Variants in ATXN1 observed in about 807,000 individuals in gnomAD.
The protein encoded by ATXN1 is ataxin-1.
In ATXN1, 8 loss-of-function variants were observed where a neutral mutation model predicts 56.4. The observed-to-expected ratio is 0.14, with a 90% CI of 0.08 to 0.26. The LOEUF (loss-of-function observed/expected upper bound fraction) is 0.26. Among genes scored for constraint, ATXN1 ranks in the 10% least tolerant of loss-of-function variants. The probability of loss-of-function intolerance (pLI) is 1.00; values close to 1 mark genes in which losing one functional copy is unlikely to be tolerated. For synonymous variants in ATXN1, 514 were observed against 494.6 expected (o/e 1.04, Z -0.52); for missense variants, 987 against 1,106.5 (o/e 0.89, Z 1.53).
chr6:16,457,808 C>A (rs577043525), intron 6 of ATXN1, among the ~76,000 whole-genome samples: 2 of 152,314 alleles, frequency 1.3e-5, no homozygotes, highest in South Asian at 4.1e-4. Context: ...CCTCTAATCT[C>A]CTCCATCCAG....
intron 6 of ATXN1, among the ~76,000 whole-genome samples, chr6:16,359,659 A>C (rs1761766911): frequency 6.6e-6 from 1 of 151,958 alleles, no homozygotes; most frequent in African/African-American, 2.4e-5. Context: ...TATAGAGAGG[A>C]GCTCCCCACT....
rs570822413 is a variant in ATXN1, at chr6:16,359,132, G to C, written c.-160-30662C>G. On this transcript the variant is annotated intron_variant, in intron 6 of 7. Coordinates refer to ENST00000436367, the MANE Select transcript of ATXN1 (RefSeq NM_001128164.2). ...GCACCCACTCAGATCTCAGAGCTGG[G>C]TTGGGGCCAAGCCCCGGGGCCATGA... Among the ~76,000 whole-genome samples, 125 of 152,326 alleles carry C rather than the reference G, an allele frequency of 8.2e-4. 1 individual carries two copies. The highest frequency in any genetic ancestry group is 3.4e-3 in the Middle Eastern group (1 of 294).
intron 2 of ATXN1, among the ~76,000 whole-genome samples, chr6:16,743,539 G>T (rs114337946): frequency 3.3e-5 from 5 of 152,202 alleles, no homozygotes; most frequent in African/African-American, 1.2e-4. Flanking sequence ...ATCACAGGGG[G>T]AATGCCCGTA....
intron 2 of ATXN1, among the ~76,000 whole-genome samples, chr6:16,713,256 G>A (rs762785372): frequency 1.3e-5 from 2 of 152,142 alleles, no homozygotes; most frequent in Non-Finnish European, 2.9e-5. Flanking sequence ...ATACAATTGC[G>A]GTAATCAGCA....
At chr6:16,609,928 C>T (rs999101079) in intron 3 of ATXN1, among the ~76,000 whole-genome samples, 1 of 151,880 alleles carries the variant, frequency 6.6e-6, no homozygotes, top group Non-Finnish European at 1.5e-5. Context: ...GAAACACCAA[C>T]TTACAAAAAA....
chr6:16,306,625 C>T lies in ATXN1; in HGVS notation c.2152G>A (p.Gly718Ser), dbSNP rs1406913628. The stretch of plus-strand genomic sequence containing the variant: ...TGCTCGGCATACCTGTGTCTGCTGC[C>T]CGCCAGGCCGTCGGCCTTTGAGTGC... ...LKHSKADGLA[G>S]SRHRYAEQEN... is the part of the protein sequence containing the mutation. The change falls in exon 8 of 8, where the codon GGC becomes AGC. Residue 718 changes from glycine (G) to serine (S), a missense_variant. Gly to Ser is a moderately conservative substitution (Grantham distance 56, BLOSUM62 0). Transcript: ENST00000436367. This position sits in a 1 kb window ranked among gnomAD's most constrained non-coding sequence, Gnocchi z 5.2. 9 of 1,614,128 alleles carry T rather than the reference C, an allele frequency of 5.6e-6. No homozygotes were observed. Among genetic ancestry groups the T allele is most frequent in the East Asian group, 2.2e-5 (1 of 44,902 alleles).
chr6:16,581,195 C>CTG (rs60028007), intron 4 of ATXN1, among the ~76,000 whole-genome samples: 10,565 of 139,996 alleles, frequency 0.075, 431 homozygotes, highest in Non-Finnish European at 0.097. Context: ...CGAGAATGCA[C>CTG]TGTGTGTGTG....
chr6:16,759,926 G>A (rs1581431785), intron 1 of ATXN1, among the ~76,000 whole-genome samples: 1 of 152,178 alleles, frequency 6.6e-6, no homozygotes, highest in Non-Finnish European at 1.5e-5. Context: ...AGTCAGCCAA[G>A]TAGCCAAGGA....
At chr6:16,593,988 G>A (rs1314875218) in intron 3 of ATXN1, among the ~76,000 whole-genome samples, 1 of 147,128 alleles carries the variant, frequency 6.8e-6, no homozygotes, top group Non-Finnish European at 1.5e-5. Context: ...TTATATATTA[G>A]ACTAATATAT....
chr6:16,540,119 G>A (rs1761683858), intron 4 of ATXN1, among the ~76,000 whole-genome samples: 1 of 152,328 alleles, frequency 6.6e-6, no homozygotes, highest in African/African-American at 2.4e-5. Context: ...GGACTGCAAT[G>A]CTGAGAATCA....
At position 16,302,817 on chromosome 6, in the gene ATXN1, G is replaced by T. The variant is rs45496399; in HGVS notation, c.*3512C>A. The T allele has an allele frequency of 5.7e-3, 870 of 152,786 alleles. 2 individuals are homozygous for T. Among genetic ancestry groups the T allele is most frequent in the Non-Finnish European group, 9.3e-3 (630 of 68,042 alleles). 9.5% of individuals were successfully genotyped at this position (152,786 alleles called of 1,614,324 possible). On this transcript the variant is annotated 3_prime_UTR_variant, in exon 8 of 8. Coordinates refer to ENST00000436367, the MANE Select transcript of ATXN1 (RefSeq NM_001128164.2). The stretch of plus-strand genomic sequence containing the variant: ...CGGTAAATATTGCAAAGTGGACATA[G>T]TACAGAGGCACATGGCTGATCCTTG...
intron 6 of ATXN1, among the ~76,000 whole-genome samples, chr6:16,355,237 G>T (rs181854773): frequency 1.4e-3 from 217 of 152,282 alleles, no homozygotes; most frequent in Admixed American, 7.3e-3. Context: ...CACAGATGCC[G>T]CTGTACTTTT....
intron 6 of ATXN1, among the ~76,000 whole-genome samples, chr6:16,438,293 T>A (rs928730611): frequency 4.6e-5 from 7 of 152,248 alleles, no homozygotes; most frequent in African/African-American, 1.7e-4. Flanking sequence ...TTATAGGACC[T>A]GACACCCAAT....
chr6:16,630,180 C>A (rs1763480974), intron 3 of ATXN1, among the ~76,000 whole-genome samples: 3 of 152,158 alleles, frequency 2.0e-5, no homozygotes, highest in African/African-American at 7.2e-5. Flanking sequence ...CCCTTGGGTG[C>A]CCTCTTACAC....
At chr6:16,338,865 G>A (rs1172466315) in intron 6 of ATXN1, among the ~76,000 whole-genome samples, 2 of 152,120 alleles carry the variant, frequency 1.3e-5, no homozygotes, top group Non-Finnish European at 2.9e-5. Context: ...CACTTGATAG[G>A]TGGGATAATA....
chr6:16,484,298 G>C (rs1002327128), intron 6 of ATXN1, among the ~76,000 whole-genome samples: 5 of 152,150 alleles, frequency 3.3e-5, no homozygotes, highest in Admixed American at 1.3e-4. Context: ...GCCAGGCATG[G>C]TGGTGTGCAC....
chr6:16,554,827 G>A (rs1328121003), intron 4 of ATXN1, among the ~76,000 whole-genome samples: 1 of 152,142 alleles, frequency 6.6e-6, no homozygotes, highest in African/African-American at 2.4e-5. Context: ...CTGACCTCAG[G>A]TGATGCACCC....
intron 7 of ATXN1, among the ~76,000 whole-genome samples, chr6:16,325,782 G>A (rs546281720): frequency 6.6e-6 from 1 of 152,100 alleles, no homozygotes; most frequent in African/African-American, 2.4e-5. Flanking sequence ...GTTGGAGACC[G>A]GGCCTTGCTA....
intron 3 of ATXN1, among the ~76,000 whole-genome samples, chr6:16,629,546 G>T (rs1448936874): frequency 1.3e-5 from 2 of 152,080 alleles, no homozygotes; most frequent in African/African-American, 2.4e-5. Flanking sequence ...TGCAAGGCTG[G>T]TCTCTAACTC....
Sources: allele counts gnomAD v4.1 joint callset (sites outside exome capture counted in the v4.1 genomes callset), GRCh38; gene constraint gnomAD v4.1.1; non-coding constraint Gnocchi (gnomAD v3.1); transcripts MANE v1.5; gene names NCBI Gene and HGNC (gene_info 2026-07-23, HGNC 2026-07-21).